The following ABR variants were observed in gnomAD, a reference collection of about 807,000 sequenced individuals.
ABR encodes the protein active breakpoint cluster region-related protein.
Under a neutral mutation model 107.2 loss-of-function variants are expected in ABR, and 35 were observed. That is an observed-to-expected ratio of 0.33 (90% CI 0.25 to 0.43). The LOEUF (loss-of-function observed/expected upper bound fraction) is 0.43. Among genes scored for constraint, ABR ranks in the 20% least tolerant of loss-of-function variants. ABR has a pLI of 1.00. For synonymous variants in ABR, 498 were observed against 462.0 expected, an observed-to-expected ratio of 1.08 and a Z score of -1.00; for missense variants, 815 against 1,115.2, an observed-to-expected ratio of 0.73 and a Z score of 3.83.
At chr17:1,067,778 G>A (rs533657403) in intron 9 of ABR, among the ~76,000 whole-genome samples, 13 of 152,278 alleles carry the variant, frequency 8.5e-5, no homozygotes, top group Middle Eastern at 3.4e-3. Context: ...CATGGCAAAG[G>A]ACAGCAGGCA....
rs146014850 is a variant in ABR at position 1,102,012 on chromosome 17, T to C, written c.247-1277A>G. Among the ~76,000 whole-genome samples the C allele has an allele frequency of 4.0e-3, 602 of 152,178 alleles. 2 individuals carry two copies. Among genetic ancestry groups the C allele is most frequent in the African/African-American group, 0.011 (449 of 41,548 alleles). On this transcript the variant is annotated intron_variant, in intron 2 of 22. Coordinates refer to ENST00000302538, the MANE Select transcript of ABR (RefSeq NM_021962.5). ...CCTCCCAAAGTGCTGGGATTACAGG[T>C]GTGAGCCACCGCACCCTGCCGGAAA...
chr17:1,007,749 ACAG>A (rs1471839131), intron 21 of ABR, among the ~76,000 whole-genome samples: 7 of 152,266 alleles, frequency 4.6e-5, no homozygotes, highest in African/African-American at 1.7e-4. Context: ...CCAAGGTCAC[ACAG>A]CCAGCAACTG....
intron 1 of ABR, among the ~76,000 whole-genome samples, chr17:1,137,766 C>T (rs1045297071): frequency 6.6e-6 from 1 of 152,056 alleles, no homozygotes; most frequent in Non-Finnish European, 1.5e-5. Flanking sequence ...AAGCGAGGTA[C>T]GCCTGCACAT....
Position 1,051,160 on chromosome 17 carries a change from C to T in ABR, c.1562-526G>A, listed in dbSNP as rs535876429. ...CTCGGAGCATCCCCTGCCGCGGTGA[C>T]GACCAACAACGCCCACATCCCCAAG... On this transcript the variant is annotated intron_variant, in intron 14 of 22. Coordinates refer to ENST00000302538, the MANE Select transcript of ABR (RefSeq NM_021962.5). This position sits in a 1 kb window ranked among gnomAD's most constrained non-coding sequence, Gnocchi z 4.3. Among the ~76,000 whole-genome samples the T allele has an allele frequency of 3.5e-3, 536 of 152,242 alleles. 7 individuals carry two copies. The highest frequency in any genetic ancestry group is 3.7e-3 in the Non-Finnish European group (249 of 68,018).
intron 16 of ABR, among the ~76,000 whole-genome samples, chr17:1,046,218 C>A (rs889765573): frequency 1.4e-4 from 21 of 151,624 alleles, no homozygotes. Flanking sequence ...GTTGGCCAGG[C>A]GAGTCTCAAA....
intron 21 of ABR, 80 bp downstream of exon 21, chr17:1,009,599 G>A (rs1214762535): frequency 2.6e-6 from 3 of 1,149,114 alleles, no homozygotes; most frequent in Admixed American, 1.7e-5. Flanking sequence ...AGGGACTGAG[G>A]AGGTGGGGTT....
In ABR at chr17:1,078,906, C is replaced by A. The variant is rs995903057; in HGVS notation, c.700+424G>T. On this transcript the variant is annotated intron_variant, in intron 6 of 22. Transcript: ENST00000302538. The surrounding 1 kb of genome is among the most constrained non-coding windows in gnomAD (Gnocchi z 7.5). The stretch of plus-strand genomic sequence containing the variant: ...GGGAGCGTGCAGCCATCGCTCCAGG[C>A]TCCCCGGCGCCCACCAGCAGCCCGG... The A allele has an allele frequency of 2.6e-6, 4 of 1,533,526 alleles. No individual in the cohort carries two copies. The highest frequency in any genetic ancestry group is 2.0e-5 in the Admixed American group (1 of 50,746). 95.0% of individuals were successfully genotyped at this position (1,533,526 alleles called of 1,614,324 possible).
intron 2 of ABR, among the ~76,000 whole-genome samples, chr17:1,115,589 A>T (rs973896530): frequency 6.6e-6 from 1 of 152,244 alleles, no homozygotes; most frequent in African/African-American, 2.4e-5. Flanking sequence ...TCTCTGTTCT[A>T]GTACAGGTCA....
chr17:1,067,372 TG>T (rs2034842107), intron 9 of ABR, 130 bp from the exon 10 acceptor site: 5 of 875,994 alleles, frequency 5.7e-6, no homozygotes, highest in South Asian at 3.6e-5. Flanking sequence ...GAACGATCCC[TG>T]CTCCTGAGGA....
rs12600864 is a variant in ABR, at chr17:1,009,674, G to A, written c.2342+5C>T. 0.21 allele frequency: 340,274 copies of A among 1,611,906 alleles called. 37,013 individuals carry two copies. Among genetic ancestry groups the A allele is most frequent in the Admixed American group, 0.24 (14,552 of 59,994 alleles). On this transcript the variant is annotated splice_donor_5th_base_variant and intron_variant, in intron 21 of 22. Coordinates refer to ENST00000302538, the MANE Select transcript of ABR (RefSeq NM_021962.5). ...GGAGGTGGGGTTGGGGCCGCTCCCC[G>A]TTACCTTTTCAAGTGTTCCAGCAGG...
rs188210491 is a variant in ABR, at chr17:1,150,014, C to A, written c.62-24647G>T. Among the ~76,000 whole-genome samples, 83 of 152,222 alleles carry A rather than the reference C, an allele frequency of 5.5e-4. No individual in the cohort carries two copies. The highest frequency in any genetic ancestry group is 1.9e-3 in the African/African-American group (79 of 41,528). ...GAACAGGGCCTGGCACGTGGTATAA[C>A]GTTAGTGGCTGTTATTGTCGTCACT... is the stretch of plus-strand genomic sequence containing the variant. On this transcript the variant is annotated intron_variant, in intron 1 of 22. Coordinates refer to ENST00000302538, the MANE Select transcript of ABR (RefSeq NM_021962.5). This position sits in a 1 kb window ranked among gnomAD's most constrained non-coding sequence, Gnocchi z 4.8.
At chr17:1,174,366 C>CGGAG (rs2041850348) in intron 1 of ABR, among the ~76,000 whole-genome samples, 3 of 152,170 alleles carry the variant, frequency 2.0e-5, no homozygotes, top group Non-Finnish European at 4.4e-5. Context: ...CTAGCACACA[C>CGGAG]GGAGGGGTCT....
intron 2 of ABR, among the ~76,000 whole-genome samples, chr17:1,103,804 T>C (rs917086156): frequency 6.6e-6 from 1 of 152,144 alleles, no homozygotes; most frequent in Non-Finnish European, 1.5e-5. Flanking sequence ...GATGGGAAAT[T>C]AGCCTCGGTG....
rs1452975331 is a variant in ABR, at chr17:1,057,305, GGTTTGT to G, written c.1382-209_1382-204del. Among the ~76,000 whole-genome samples, 259 of 136,412 alleles carry G rather than the reference GGTTTGT, an allele frequency of 1.9e-3. 18 individuals carry two copies. Among genetic ancestry groups the G allele is most frequent in the Middle Eastern group, 7.7e-3 (2 of 260 alleles). The allele number at this position is 136,412 out of a possible 152,430, so 89.5% of individuals were successfully genotyped here. A position where few individuals can be genotyped will look rare whatever the true frequency, so the allele number is the denominator to read the frequency against. On this transcript the variant is annotated intron_variant, in intron 12 of 22. Transcript: ENST00000302538. ...CAGAGTAGGAGAATCTAACTGAAGA[GGTTTGT>G]GTGTGTGTGTGTGTGTGTGTGTGTG... is the stretch of plus-strand genomic sequence containing the variant.
At position 1,007,221 on chromosome 17, in the gene ABR, T is replaced by A; in HGVS notation, c.2434A>T (p.Ser812Cys). 6.2e-7 allele frequency: 1 copy of A among 1,614,098 alleles called. No individual in the cohort carries two copies. Among genetic ancestry groups the A allele is most frequent in the South Asian group, 1.1e-5 (1 of 91,086 alleles). ...GCAGCCGAGGTGAGGTGTGCTTTGC[T>A]CTCCACTTCTGAGGGTCTCAGTAAC... is the stretch of plus-strand genomic sequence containing the variant. ...PTLLRPSEVE[S>C]KAHLTSAADI... Residue 812 changes from serine to cysteine, a missense_variant, in exon 22 of 23, where the codon AGC (serine) becomes TGC (cysteine). By Grantham distance (112) the Ser-to-Cys change is moderately radical. Around this residue, in one of 5 missense-constraint regions of ABR, gnomAD observed 175 missense variants for 284.3 expected, o/e 0.62. Transcript: ENST00000302538.
rs1195034869 is a variant in ABR, at chr17:1,078,821, G to T, written c.700+509C>A. On this transcript the variant is annotated intron_variant, in intron 6 of 22. Coordinates refer to ENST00000302538, the MANE Select transcript of ABR (RefSeq NM_021962.5). This position sits in a 1 kb window ranked among gnomAD's most constrained non-coding sequence, Gnocchi z 7.5. ...AGCGAGCACCTGGGTTACCATAGGT[G>T]CAGTTACAGCAGAAGCGAATAATGA... 4 of 1,535,618 alleles carry T rather than the reference G, an allele frequency of 2.6e-6. No homozygotes were observed. Among genetic ancestry groups the T allele is most frequent in the Non-Finnish European group, 3.5e-6 (4 of 1,146,848 alleles).
At chr17:1,193,130 GAGA>G (rs1021759380) in intron 1 of ABR, among the ~76,000 whole-genome samples, 13 of 152,208 alleles carry the variant, frequency 8.5e-5, no homozygotes, top group Admixed American at 7.9e-4. Flanking sequence ...GATGACTGTG[GAGA>G]AGGTTCTTTT....
intron 2 of ABR, among the ~76,000 whole-genome samples, chr17:1,124,572 T>TCCA (rs1348885616): frequency 1.3e-5 from 2 of 152,218 alleles, no homozygotes; most frequent in African/African-American, 4.8e-5. Context: ...CCGCAAACCC[T>TCCA]CCACAGTTTC....
chr17:1,211,323 A>C (rs2042897604), intron 1 of ABR, among the ~76,000 whole-genome samples: 1 of 151,956 alleles, frequency 6.6e-6, no homozygotes, highest in African/African-American at 2.4e-5. Flanking sequence ...ATAATGAAAA[A>C]TAAATAAAAA....
Sources: gnomAD v4.1 joint callset for allele counts (sites outside exome capture counted in the v4.1 genomes callset) on GRCh38, gnomAD v4.1.1 for gene constraint, gnomAD v4.1.1 regional missense constraint, Gnocchi (gnomAD v3.1) non-coding constraint, MANE v1.5 for transcripts, NCBI Gene and HGNC (gene_info 2026-07-23, HGNC 2026-07-21) for gene names.